The following PTPRD variants were observed in gnomAD, a reference collection of about 807,000 sequenced individuals.
PTPRD encodes the protein protein tyrosine phosphatase receptor type D.
In PTPRD, 34 loss-of-function variants were observed where a neutral mutation model predicts 214.5. The ratio of observed to expected loss-of-function variants is 0.16; its 90% CI spans 0.12 to 0.21. The LOEUF is 0.21. Among genes scored for constraint, PTPRD ranks in the 10% least tolerant of loss-of-function variants. The probability of loss-of-function intolerance (pLI) is 1.00; values close to 1 mark genes in which losing one functional copy is unlikely to be tolerated. For synonymous variants in PTPRD, 1,128 were observed against 845.7 expected (o/e 1.33, Z -5.79); for missense variants, 2,545 against 2,398.7 (o/e 1.06, Z -1.27).
At chr9:8,567,369 C>T (rs529690295) in intron 14 of PTPRD, among the ~76,000 whole-genome samples, 1 of 152,134 alleles carries the variant, frequency 6.6e-6, no homozygotes, top group African/African-American at 2.4e-5. Flanking sequence ...ATAATCTTCC[C>T]TGACCTCTTC....
chr9:8,879,154 G>C (rs142921998), intron 11 of PTPRD, among the ~76,000 whole-genome samples: 1 of 152,146 alleles, frequency 6.6e-6, no homozygotes, highest in African/African-American at 2.4e-5. Flanking sequence ...ATCTATAGGC[G>C]TATGTTGTCT....
chr9:10,065,190 A>AGAAAGAAAGAAAGAAG (rs2097855415), intron 3 of PTPRD, among the ~76,000 whole-genome samples: 2 of 151,876 alleles, frequency 1.3e-5, no homozygotes, highest in Non-Finnish European at 2.9e-5. Context: ...AAAGAAAGAA[A>AGAAAGAAAGAAAGAAG]GAAAAGGATG....
At chr9:9,075,561 A>G (rs879791211) in intron 10 of PTPRD, among the ~76,000 whole-genome samples, 7 of 151,750 alleles carry the variant, frequency 4.6e-5, no homozygotes, top group African/African-American at 7.2e-5. Flanking sequence ...TCCCTCCCCC[A>G]TCCCCCACCC....
chr9:8,871,984 G>A (rs1030919160), intron 11 of PTPRD, among the ~76,000 whole-genome samples: 2 of 152,062 alleles, frequency 1.3e-5, no homozygotes, highest in South Asian at 2.1e-4. Flanking sequence ...AGCAGCCTGT[G>A]GAAACCAGCC....
At chr9:10,494,449 T>A (rs944447694) in intron 2 of PTPRD, among the ~76,000 whole-genome samples, 3 of 151,926 alleles carry the variant, frequency 2.0e-5, no homozygotes, top group African/African-American at 7.2e-5. Flanking sequence ...GGCCTCATAT[T>A]GTTCTTTGGA....
chr9:9,563,819 A>G (rs547496930), intron 8 of PTPRD, among the ~76,000 whole-genome samples: 6 of 152,304 alleles, frequency 3.9e-5, no homozygotes, highest in South Asian at 2.1e-4. Flanking sequence ...TAGAACTAGA[A>G]TTGACTCATA....
At chr9:10,511,778 A>G (rs1273656989) in intron 2 of PTPRD, among the ~76,000 whole-genome samples, 2 of 149,534 alleles carry the variant, frequency 1.3e-5, no homozygotes, top group African/African-American at 4.9e-5. Context: ...TTTACGTTAT[A>G]TATCCCTTTA....
intron 2 of PTPRD, among the ~76,000 whole-genome samples, chr9:10,549,986 AT>A (rs1342551417): frequency 6.6e-6 from 1 of 152,020 alleles, no homozygotes; most frequent in African/African-American, 2.4e-5. Context: ...GTTTCCAAGT[AT>A]TTCACCCCTC....
chr9:9,728,391 A>G (rs1330903821), intron 7 of PTPRD, among the ~76,000 whole-genome samples: 2 of 152,182 alleles, frequency 1.3e-5, no homozygotes, highest in African/African-American at 4.8e-5. Flanking sequence ...AGGTAATTGT[A>G]TACAATTATT....
At chr9:10,311,538 G>A (rs990206499) in intron 3 of PTPRD, among the ~76,000 whole-genome samples, 1 of 151,934 alleles carries the variant, frequency 6.6e-6, no homozygotes, top group Admixed American at 6.6e-5. Context: ...TGGGATATTT[G>A]TATGCTCATT....
chr9:10,387,249 G>A (rs989562463), intron 2 of PTPRD, among the ~76,000 whole-genome samples: 4 of 151,790 alleles, frequency 2.6e-5, no homozygotes, highest in South Asian at 2.1e-4. Context: ...TAACACAGTC[G>A]TTTAACAATT....
chr9:9,102,832 A>G (rs989977739), intron 10 of PTPRD, among the ~76,000 whole-genome samples: 2 of 152,206 alleles, frequency 1.3e-5, no homozygotes, highest in African/African-American at 4.8e-5. Context: ...AAATAAGAAA[A>G]CAAAAACAAA....
chr9:9,336,183 T>A (rs1322685519), intron 9 of PTPRD, among the ~76,000 whole-genome samples: 1 of 152,136 alleles, frequency 6.6e-6, no homozygotes, highest in Non-Finnish European at 1.5e-5. Context: ...CTCTTTGATG[T>A]ATCTTTCTAA....
At chr9:9,477,801 T>C (rs555706902) in intron 8 of PTPRD, among the ~76,000 whole-genome samples, 1 of 152,316 alleles carries the variant, frequency 6.6e-6, no homozygotes, top group East Asian at 1.9e-4. Flanking sequence ...CTGTACATTT[T>C]CTTGACAAAC....
chr9:10,071,199 T>C (rs1187858427), intron 3 of PTPRD, among the ~76,000 whole-genome samples: 3 of 152,024 alleles, frequency 2.0e-5, no homozygotes, highest in African/African-American at 7.2e-5. Context: ...TTTCCCTACA[T>C]GAATATAGAT....
At chr9:9,430,196 C>A (rs1003919278) in intron 8 of PTPRD, among the ~76,000 whole-genome samples, 1 of 152,176 alleles carries the variant, frequency 6.6e-6, no homozygotes, top group Non-Finnish European at 1.5e-5. Flanking sequence ...TAAGCAACTT[C>A]AGCAAAGTCT....
chr9:9,896,541 A>G (rs1393943254), intron 5 of PTPRD, among the ~76,000 whole-genome samples: 1 of 152,068 alleles, frequency 6.6e-6, no homozygotes, highest in Non-Finnish European at 1.5e-5. Context: ...AAAGAAAGGA[A>G]AAAATCTACA....
Position 9,262,056 on chromosome 9 carries a change from A to T in PTPRD, c.-202-78693T>A, listed in dbSNP as rs530313325. ...AAAATATATTAAATTCCTTTATATG[A>T]GGAAAAGGAATATTAACACTGGCAA... On this transcript the variant is annotated intron_variant, in intron 9 of 45. Coordinates refer to ENST00000381196, the MANE Select transcript of PTPRD (RefSeq NM_002839.4). 1.3e-5 allele frequency among the ~76,000 whole-genome samples: 2 copies of T among 151,852 alleles called. 1 individual carries two copies. The highest frequency in any genetic ancestry group is 2.9e-5 in the Non-Finnish European group (2 of 67,830).
rs573950724 is a variant in PTPRD at position 10,146,842 on chromosome 9, T to C, written c.-544-113052A>G. ...AAGTTTTAGTCGTCCATCCACATCT[T>C]GGAGCAATACCTTGAGAAGTTCAGG... On this transcript the variant is annotated intron_variant, in intron 3 of 45. Coordinates refer to ENST00000381196, the MANE Select transcript of PTPRD (RefSeq NM_002839.4). 9.2e-5 allele frequency among the ~76,000 whole-genome samples: 14 copies of C among 152,286 alleles called. No homozygotes were observed. In the South Asian group the frequency reaches 2.5e-3, roughly 27 times the overall value.
Sources: gnomAD v4.1 joint callset for allele counts (sites outside exome capture counted in the v4.1 genomes callset) on GRCh38, gnomAD v4.1.1 for gene constraint, MANE v1.5 for transcripts, NCBI Gene and HGNC (gene_info 2026-07-23, HGNC 2026-07-21) for gene names.